Variants in C1orf185 observed in about 807,000 individuals in gnomAD.
C1orf185 encodes chromosome 1 open reading frame 185, also known as uncharacterized protein C1orf185.
Under a neutral mutation model 16.1 loss-of-function variants are expected in C1orf185, and 13 were observed. That is an observed-to-expected ratio of 0.81 (90% CI 0.53 to 1.28). C1orf185 has a LOEUF of 1.28. C1orf185 is among the 50% of genes most tolerant of loss of function. The pLI is 0.00. For missense variants in C1orf185, 220 were observed against 225.2 expected (o/e 0.98, Z 0.15); for synonymous variants, 80 against 76.9 (o/e 1.04, Z -0.21).
At chr1:51,131,432 T>G (rs528338316) in intron 3 of C1orf185, among the ~76,000 whole-genome samples, 2 of 152,320 alleles carry the variant, frequency 1.3e-5, no homozygotes, top group East Asian at 3.9e-4. Context: ...TTCTCTCTTA[T>G]TAAGAGTTTG....
chr1:51,145,565 G>T (rs963357700), intron 3 of C1orf185, among the ~76,000 whole-genome samples, 159 bp from the exon 4 acceptor site: 6 of 151,832 alleles, frequency 4.0e-5, no homozygotes, highest in Admixed American at 6.6e-5. Context: ...TTTCTTTTCT[G>T]TCAATATATT....
At chr1:51,131,577 C>G (rs1333717820) in intron 3 of C1orf185, among the ~76,000 whole-genome samples, 2 of 151,380 alleles carry the variant, frequency 1.3e-5, no homozygotes, top group Non-Finnish European at 2.9e-5. Flanking sequence ...AGTTTGAGAC[C>G]AGCCTGGGCA....
chr1:51,134,832 G>T (rs1257461607), intron 3 of C1orf185, among the ~76,000 whole-genome samples: 1 of 152,166 alleles, frequency 6.6e-6, no homozygotes, highest in African/African-American at 2.4e-5. Flanking sequence ...CCAATAATAA[G>T]TTGTGAAATT....
At chr1:51,130,544 C>T (rs564909557) in intron 3 of C1orf185, among the ~76,000 whole-genome samples, 3 of 152,216 alleles carry the variant, frequency 2.0e-5, no homozygotes, top group South Asian at 2.1e-4. Flanking sequence ...TTTATTTTAG[C>T]CATTTAAAAC....
At chr1:51,125,412 G>A (rs1646232957) in intron 3 of C1orf185, among the ~76,000 whole-genome samples, 1 of 152,074 alleles carries the variant, frequency 6.6e-6, no homozygotes, top group Non-Finnish European at 1.5e-5. Flanking sequence ...ATAGCAGTAG[G>A]GTTTTTAGTT....
intron 1 of C1orf185, chr1:51,102,459 G>A (rs1020460861): frequency 3.3e-5 from 13 of 393,960 alleles, no homozygotes; most frequent in African/African-American, 2.0e-4. Context: ...TCAATTTAAC[G>A]GATACTGTTC....
At chr1:51,108,959 C>G (rs767691629) in intron 1 of C1orf185, among the ~76,000 whole-genome samples, 12 of 152,094 alleles carry the variant, frequency 7.9e-5, no homozygotes, top group Non-Finnish European at 1.3e-4. Context: ...TGCTGAATCA[C>G]GTGGTAGTTT....
intron 3 of C1orf185, among the ~76,000 whole-genome samples, chr1:51,142,926 G>A (rs1646374826): frequency 1.3e-5 from 2 of 152,010 alleles, no homozygotes; most frequent in South Asian, 4.1e-4. Context: ...ATCATGCCTG[G>A]CTAATTTTTG....
At chr1:51,117,007 C>T (rs1646162803) in intron 2 of C1orf185, among the ~76,000 whole-genome samples, 1 of 152,262 alleles carries the variant, frequency 6.6e-6, no homozygotes, top group African/African-American at 2.4e-5. Context: ...GCAATTTCCA[C>T]TCTTGTAATT....
chr1:51,148,087 C>T (rs979932122), downstream of C1orf185: 32 of 201,636 alleles, frequency 1.6e-4, no homozygotes, highest in African/African-American at 6.3e-4. Flanking sequence ...TGTCAACAAA[C>T]GGGAGAAAAA....
chr1:51,117,282 G>C (rs756961682), intron 2 of C1orf185, among the ~76,000 whole-genome samples: 88 of 152,214 alleles, frequency 5.8e-4, no homozygotes, highest in South Asian at 1.0e-3. Flanking sequence ...AAATATTCTA[G>C]TACCTCTGAA....
rs35232347 is a variant in C1orf185, at chr1:51,111,370, C to CTTTTTTTTTTT, written c.17-1091_17-1090insTTTTTTTTTTT. Among the ~76,000 whole-genome samples, 18 of 114,420 alleles carry CTTTTTTTTTTT rather than the reference C, an allele frequency of 1.6e-4. 1 individual carries two copies. Among genetic ancestry groups the CTTTTTTTTTTT allele is most frequent in the East Asian group, 4.5e-4 (2 of 4,410 alleles). 75.1% of individuals were successfully genotyped at this position (114,420 alleles called of 152,430 possible). A position where few individuals can be genotyped will look rare whatever the true frequency, so the allele number is the denominator to read the frequency against. ...ATATTGCTTTCATTTAGCTTTCTTT[C>CTTTTTTTTTTT]TTTCTTTTTTTTTTTTTTTGAGAGA... On this transcript the variant is annotated intron_variant, in intron 1 of 4. Coordinates refer to ENST00000371759, the MANE Select transcript of C1orf185 (RefSeq NM_001136508.2).
At chr1:51,103,410 AACAC>A (rs367808687) in intron 1 of C1orf185, among the ~76,000 whole-genome samples, 133 of 128,920 alleles carry the variant, frequency 1.0e-3, no homozygotes, top group African/African-American at 3.1e-3. Flanking sequence ...TGTCTCGAAA[AACAC>A]ACACACACAC....
intron 1 of C1orf185, among the ~76,000 whole-genome samples, chr1:51,103,693 C>G (rs570515499): frequency 1.1e-4 from 16 of 152,046 alleles, no homozygotes; most frequent in African/African-American, 3.9e-4. Flanking sequence ...ACCATCACGA[C>G]TGGTTAATCT....
At chr1:51,114,827 T>G (rs1000992015) in intron 2 of C1orf185, among the ~76,000 whole-genome samples, 1 of 152,232 alleles carries the variant, frequency 6.6e-6, no homozygotes, top group African/African-American at 2.4e-5. Flanking sequence ...AGATTTGAAA[T>G]GTACAGCTAT....
intron 3 of C1orf185, among the ~76,000 whole-genome samples, chr1:51,130,928 G>C (rs1646278461): frequency 6.6e-6 from 1 of 152,132 alleles, no homozygotes. Flanking sequence ...TTGAGATGGA[G>C]TTTCACTCTT....
intron 3 of C1orf185, among the ~76,000 whole-genome samples, chr1:51,131,050 G>A (rs1646279821): frequency 6.6e-6 from 1 of 152,114 alleles, no homozygotes; most frequent in Non-Finnish European, 1.5e-5. Context: ...TTACAGGCAT[G>A]CACCACCATG....
chr1:51,117,038 G>A lies in C1orf185; in HGVS notation c.123-1628G>A, dbSNP rs182518100. ...TAATTTTTCATTTTCTTGTGATTACGTTATTAATGTCTGTCTTCTTTTCTA... is the reference window on the plus strand; with the variant it reads ...TAATTTTTCATTTTCTTGTGATTACATTATTAATGTCTGTCTTCTTTTCTA... On this transcript the variant is annotated intron_variant, in intron 2 of 4. Coordinates refer to ENST00000371759, the MANE Select transcript of C1orf185 (RefSeq NM_001136508.2). Among the ~76,000 whole-genome samples, 11 of 152,224 alleles carry A rather than the reference G, an allele frequency of 7.2e-5. No individual in the cohort carries two copies. In the East Asian group the frequency reaches 1.3e-3, roughly 19 times the overall value.
At chr1:51,146,707 A>G (rs889089501) in intron 4 of C1orf185, among the ~76,000 whole-genome samples, 1 of 152,264 alleles carries the variant, frequency 6.6e-6, no homozygotes, top group East Asian at 1.9e-4. Flanking sequence ...TGGGTCATTT[A>G]TCTAAGTCTG....
Sources: gnomAD v4.1 joint callset for allele counts (sites outside exome capture counted in the v4.1 genomes callset) on GRCh38, gnomAD v4.1.1 for gene constraint, MANE v1.5 for transcripts, NCBI Gene and HGNC (gene_info 2026-07-23, HGNC 2026-07-21) for gene names.